Variants in SLC9A3 observed in about 807,000 individuals in gnomAD.
The protein encoded by SLC9A3 is solute carrier family 9 member A3.
Under a neutral mutation model 86.8 loss-of-function variants are expected in SLC9A3, and 37 were observed. That is an observed-to-expected ratio of 0.43 (90% CI 0.33 to 0.56). SLC9A3 has a LOEUF of 0.56. Ranked by LOEUF, SLC9A3 falls within the 20% of genes least tolerant of loss-of-function variation. The probability of loss-of-function intolerance (pLI) is 0.06; values close to 1 mark genes in which losing one functional copy is unlikely to be tolerated. For missense variants in SLC9A3, 1,011 were observed against 1,171.9 expected, an observed-to-expected ratio of 0.86 and a Z score of 2.00; for synonymous variants, 581 against 528.3, an observed-to-expected ratio of 1.10 and a Z score of -1.37.
Position 473,176 on chromosome 5 carries a change from G to GCGCAGGCCCCGCCCCCGT in SLC9A3, c.*202_*203insACGGGGGCGGGGCCTGCG. 8.3e-6 allele frequency: 4 copies of GCGCAGGCCCCGCCCCCGT among 479,860 alleles called. No homozygotes were observed. Among genetic ancestry groups the GCGCAGGCCCCGCCCCCGT allele is most frequent in the Non-Finnish European group, 1.3e-5 (4 of 314,116 alleles). 29.7% of individuals were successfully genotyped at this position (479,860 alleles called of 1,614,324 possible). Reference sequence around the variant, plus strand: ...GCCCCCGGCGCAGGCCCCGCCCCCGGCTCGCCCTCGGGCGGCTCTGCGGGC... The same window carrying GCGCAGGCCCCGCCCCCGT: ...GCCCCCGGCGCAGGCCCCGCCCCCGGCGCAGGCCCCGCCCCCGTCTCGCCCTCGGGCGGCTCTGCGGGC... On this transcript the variant is annotated 3_prime_UTR_variant, in exon 17 of 17. Coordinates refer to ENST00000264938, the MANE Select transcript of SLC9A3 (RefSeq NM_004174.4).
chr5:475,099 G>C lies in SLC9A3; in HGVS notation c.2285C>G (p.Ala762Gly). Reference sequence around the variant, plus strand: ...CCTGGCCAGGAGGCTGCGGTCCAGGGCCTCGTCCGGAGAAAACACAGGGTT... The same window carrying C: ...CCTGGCCAGGAGGCTGCGGTCCAGGCCCTCGTCCGGAGAAAACACAGGGTT... ...IDNPVFSPDE[A>G]LDRSLLARLP... Residue 762 changes from alanine (A) to glycine (G), a missense_variant, in exon 16 of 17, where the codon GCC (alanine) becomes GGC (glycine). This residue lies in a region of SLC9A3 where 397 missense variants were observed against 346.3 expected (regional missense o/e 1.15). Coordinates refer to ENST00000264938, the MANE Select transcript of SLC9A3 (RefSeq NM_004174.4). 6.2e-7 allele frequency: 1 copy of C among 1,606,970 alleles called. No homozygotes were observed. The highest frequency in any genetic ancestry group is 8.5e-7 in the Non-Finnish European group (1 of 1,176,530).
At chr5:482,459 G>A in intron 7 of SLC9A3, 89 bp downstream of exon 7, 1 of 1,126,488 alleles carries the variant, frequency 8.9e-7, no homozygotes, top group Non-Finnish European at 1.3e-6. Flanking sequence ...TTAGGGTCTG[G>A]AGCCTGGAAA....
intron 16 of SLC9A3, among the ~76,000 whole-genome samples, chr5:473,589 G>T (rs1173211034): frequency 6.6e-6 from 1 of 152,066 alleles, no homozygotes; most frequent in Non-Finnish European, 1.5e-5. Flanking sequence ...GCCCCAGCCC[G>T]GCCCCGCCAC....
At position 509,596 on chromosome 5, in the gene SLC9A3, G is replaced by A. The variant is rs1740788451; in HGVS notation, c.211+14516C>T. ...GTGGAACCCTGGAACTCAGGCGTGG[G>A]CAGAAGATGGAGAACCGCGGACAGG... On this transcript the variant is annotated intron_variant, in intron 1 of 16. Coordinates refer to ENST00000264938, the MANE Select transcript of SLC9A3 (RefSeq NM_004174.4). Among the ~76,000 whole-genome samples, 4 of 152,274 alleles carry A rather than the reference G, an allele frequency of 2.6e-5. No homozygotes were observed. The South Asian group carries it at 8.3e-4, about 32-fold the overall frequency.
At chr5:524,028 C>A (rs1560981238) in intron 1 of SLC9A3, 84 bp downstream of exon 1, 1 of 926,384 alleles carries the variant, frequency 1.1e-6, no homozygotes, top group Non-Finnish European at 1.5e-6. Flanking sequence ...CGACCTGATG[C>A]GCGCGGCCAC....
chr5:489,785 G>A (rs1458678920), intron 2 of SLC9A3, among the ~76,000 whole-genome samples: 1 of 152,180 alleles, frequency 6.6e-6, no homozygotes, highest in Non-Finnish European at 1.5e-5. Flanking sequence ...CCCCATGGAT[G>A]TCCTGGGGTC....
chr5:523,815 G>A (rs1281951375), intron 1 of SLC9A3, among the ~76,000 whole-genome samples: 7 of 152,230 alleles, frequency 4.6e-5, no homozygotes, highest in African/African-American at 1.7e-4. Flanking sequence ...GCAGCCTGCA[G>A]TCTGCGGGGC....
intron 1 of SLC9A3, among the ~76,000 whole-genome samples, chr5:500,017 G>A (rs2126638398): frequency 6.6e-6 from 1 of 152,368 alleles, no homozygotes; most frequent in Admixed American, 6.5e-5. Flanking sequence ...TTGGGCAGGA[G>A]CTGCAGGGTG....
chr5:473,795 C>T (rs1427347728), intron 16 of SLC9A3, among the ~76,000 whole-genome samples: 1 of 152,238 alleles, frequency 6.6e-6, no homozygotes, highest in African/African-American at 2.4e-5. Flanking sequence ...CGCCCCTCTC[C>T]CTGCTCTGAG....
intron 1 of SLC9A3, among the ~76,000 whole-genome samples, chr5:507,324 C>T (rs146649035): frequency 0.17 from 22,861 of 137,730 alleles, 2,329 homozygotes; most frequent in Non-Finnish European, 0.23. Flanking sequence ...CCCGCCACCA[C>T]GCCCAGCTAA....
chr5:520,448 T>C (rs1174984704), intron 1 of SLC9A3, among the ~76,000 whole-genome samples: 3 of 152,272 alleles, frequency 2.0e-5, no homozygotes, highest in African/African-American at 7.2e-5. Flanking sequence ...GTCTGGCCCC[T>C]GCTGTGTCAC....
rs997316585 is a variant in SLC9A3, at chr5:494,302, C to T, written c.212-2231G>A. On this transcript the variant is annotated intron_variant, in intron 1 of 16. Coordinates refer to ENST00000264938, the MANE Select transcript of SLC9A3 (RefSeq NM_004174.4). ...AGGGGCCCCTCTTCTCTGGGCTCCA[C>T]GGCCTGGTCCCTGTGGTGGCCAGGG... is the stretch of plus-strand genomic sequence containing the variant. Among the ~76,000 whole-genome samples, 7 of 152,354 alleles carry T rather than the reference C, an allele frequency of 4.6e-5. No individual in the cohort carries two copies. The South Asian group carries it at 6.2e-4, about 14-fold the overall frequency.
intron 10 of SLC9A3, chr5:478,658 C>T (rs1290266395): frequency 6.5e-6 from 1 of 154,566 alleles, no homozygotes; most frequent in Non-Finnish European, 1.5e-5. Context: ...GGGGGAGAGG[C>T]TCAAGGCCCG....
In SLC9A3 at chr5:472,338, A is replaced by AG. The variant is rs1348977853; in HGVS notation, c.*1040dup. ...TCTCCTTGGAGGGCCTGAGCCTGGT[A>AG]GGGGGGCGGTGCCCTGGGCCCCTCC... On this transcript the variant is annotated 3_prime_UTR_variant, in exon 17 of 17. Coordinates refer to ENST00000264938, the MANE Select transcript of SLC9A3 (RefSeq NM_004174.4). The AG allele has an allele frequency of 3.0e-6, 1 of 335,224 alleles. No homozygotes were observed. The highest frequency in any genetic ancestry group is 5.8e-6 in the Non-Finnish European group (1 of 171,762). The allele number at this position is 335,224 out of a possible 1,614,324, so 20.8% of individuals were successfully genotyped here. A position where few individuals can be genotyped will look rare whatever the true frequency, so the allele number is the denominator to read the frequency against.
intron 1 of SLC9A3, among the ~76,000 whole-genome samples, chr5:523,033 C>T (rs187098688): frequency 2.0e-5 from 3 of 152,172 alleles, no homozygotes; most frequent in South Asian, 2.1e-4. Flanking sequence ...GACACCAGGG[C>T]GAGGAGGAGG....
In SLC9A3 at chr5:470,929, T is replaced by C. The variant is rs1404370238; in HGVS notation, c.*2450A>G. 1 of 152,368 alleles carries C rather than the reference T, an allele frequency of 6.6e-6. No individual in the cohort carries two copies. The highest frequency in any genetic ancestry group is 6.5e-5 in the Admixed American group (1 of 15,282). 9.4% of individuals were successfully genotyped at this position (152,368 alleles called of 1,614,324 possible). On this transcript the variant is annotated 3_prime_UTR_variant, in exon 17 of 17. Coordinates refer to ENST00000264938, the MANE Select transcript of SLC9A3 (RefSeq NM_004174.4). The stretch of plus-strand genomic sequence containing the variant: ...AAGGAAATACATTCATAAGACTGTT[T>C]ACCTTCTGTTTGACAGCAGTGACAG...
chr5:509,945 G>A (rs1316403786), intron 1 of SLC9A3, among the ~76,000 whole-genome samples: 1 of 152,214 alleles, frequency 6.6e-6, no homozygotes, highest in Non-Finnish European at 1.5e-5. Flanking sequence ...TGCAGTCAGC[G>A]CTCCACTGCC....
intron 11 of SLC9A3, 37 bp downstream of exon 11, chr5:477,295 T>C: frequency 6.9e-7 from 1 of 1,442,592 alleles, no homozygotes; most frequent in Non-Finnish European, 9.6e-7. Flanking sequence ...GAGGCTGGGC[T>C]CTTCCCCAGG....
At chr5:499,156 C>G (rs371138105) in intron 1 of SLC9A3, among the ~76,000 whole-genome samples, 1 of 152,262 alleles carries the variant, frequency 6.6e-6, no homozygotes, top group Non-Finnish European at 1.5e-5. Flanking sequence ...CGGCTTTTCC[C>G]AAGGACCCAT....
Sources: allele counts gnomAD v4.1 joint callset (sites outside exome capture counted in the v4.1 genomes callset), GRCh38; gene constraint gnomAD v4.1.1; regional missense constraint gnomAD v4.1.1; transcripts MANE v1.5; gene names NCBI Gene and HGNC (gene_info 2026-07-23, HGNC 2026-07-21).